The following CKAP5 variants were observed in gnomAD, a reference collection of about 807,000 sequenced individuals.
CKAP5 encodes the protein cytoskeleton-associated protein 5.
In CKAP5, 27 loss-of-function variants were observed where a neutral mutation model predicts 232.8. The observed-to-expected ratio is 0.12, with a 90% CI of 0.09 to 0.16. The LOEUF (loss-of-function observed/expected upper bound fraction) is 0.16. CKAP5 is among the 10% of genes least tolerant of loss of function. CKAP5 has a pLI of 1.00. For synonymous variants in CKAP5, 785 were observed against 841.1 expected (o/e 0.93, Z 1.16); for missense variants, 1,838 against 2,424.7 (o/e 0.76, Z 5.08).
In CKAP5 at chr11:46,751,228, T is replaced by C; in HGVS notation, c.5350A>G (p.Asn1784Asp). ...GCCTCCAGCTCAGACTCGTTTTTGT[T>C]GTCGATCATCGTTAGGTGGTCCAGG... is the stretch of plus-strand genomic sequence containing the variant. ...KILDHLTMID[N>D]KNESELEAHL... Residue 1784 changes from asparagine (N) to aspartate (D), a missense_variant, in exon 40 of 44, where the codon AAC becomes GAC. Transcript: ENST00000529230. 3 of 1,614,204 alleles carry C rather than the reference T, an allele frequency of 1.9e-6. No individual in the cohort carries two copies. Among genetic ancestry groups the C allele is most frequent in the Non-Finnish European group, 2.5e-6 (3 of 1,180,028 alleles).
chr11:46,795,677 C>T lies in CKAP5; in HGVS notation c.1567G>A (p.Ala523Thr). The T allele has an allele frequency of 1.2e-6, 2 of 1,614,146 alleles. No individual in the cohort carries two copies. Among genetic ancestry groups the T allele is most frequent in the Non-Finnish European group, 1.7e-6 (2 of 1,180,000 alleles). Residue 523 changes from alanine to threonine, a missense_variant, in exon 13 of 44, where the codon GCT (alanine) becomes ACT (threonine). By Grantham distance (58) the Ala-to-Thr change is moderately conservative. This residue lies in a region of CKAP5 where 767 missense variants were observed against 954.6 expected (regional missense o/e 0.80). Transcript: ENST00000529230. ...EFKPLPGRTA[A>T]SGAAGDKDTK... ...TCCTTATCTCCTGCAGCCCCTGAAG[C>T]AGCAGTCCTTCCAGGCAGAGGTTTG...
At position 46,762,674 on chromosome 11, in the gene CKAP5, G is replaced by A. The variant is rs2065165888; in HGVS notation, c.3980C>T (p.Pro1327Leu). 2 of 1,613,972 alleles carry A rather than the reference G, an allele frequency of 1.2e-6. No individual in the cohort carries two copies. Among genetic ancestry groups the A allele is most frequent in the African/African-American group, 1.3e-5 (1 of 74,914 alleles). ...CLVYPASKMF[P>L]FIMEGTKSKN... ...GGATTTGGTTCCTTCCATGATAAAG[G>A]GAAACATCTTGCTAGCTGGGTAGAC... Residue 1327 changes from proline to leucine, a missense_variant, in exon 31 of 44, where the codon CCC (proline) becomes CTC (leucine). Physicochemically the swap from Pro to Leu is moderately conservative, Grantham distance 98. Coordinates refer to ENST00000529230, the MANE Select transcript of CKAP5 (RefSeq NM_001008938.4).
At chr11:46,792,766 G>A (rs1938770464) in intron 13 of CKAP5, among the ~76,000 whole-genome samples, 1 of 152,156 alleles carries the variant, frequency 6.6e-6, no homozygotes, top group African/African-American at 2.4e-5. Flanking sequence ...GCATGAACAT[G>A]GAAGGGTTTA....
chr11:46,816,786 ATTTTT>A (rs397848056), intron 3 of CKAP5, among the ~76,000 whole-genome samples: 2 of 127,184 alleles, frequency 1.6e-5, no homozygotes, highest in Non-Finnish European at 1.6e-5. Context: ...CTTGCTTTCA[ATTTTT>A]TTTTTTTTTT....
chr11:46,751,583 A>G lies in CKAP5; in HGVS notation c.5134-49T>C, dbSNP rs185774084. 6.2e-6 allele frequency: 9 copies of G among 1,462,204 alleles called. No homozygotes were observed. In the East Asian group the frequency reaches 1.8e-4, roughly 30 times the overall value. The allele number at this position is 1,462,204 out of a possible 1,614,324, so 90.6% of individuals were successfully genotyped here. On this transcript the variant is annotated intron_variant, in intron 38 of 43. Coordinates refer to ENST00000529230, the MANE Select transcript of CKAP5 (RefSeq NM_001008938.4). ...TTAGGAGTGACTGAAGAATGAGGAT[A>G]ATTTGTCACCATTCATCTTCCCTAA...
chr11:46,744,287 T>C (rs373580241), intron 43 of CKAP5, 22 bp from the exon 44 acceptor site: 21 of 1,613,372 alleles, frequency 1.3e-5, no homozygotes, highest in African/African-American at 2.7e-5. Context: ...AGGAGAGAGA[T>C]TGTCTAAGGT....
chr11:46,844,410 G>A (rs1299137661), intron 1 of CKAP5, among the ~76,000 whole-genome samples: 1 of 151,706 alleles, frequency 6.6e-6, no homozygotes. Context: ...AAACCGTGAA[G>A]GTAAAAAACA....
intron 28 of CKAP5, among the ~76,000 whole-genome samples, chr11:46,764,834 AAAG>A (rs1291286798): frequency 9.8e-5 from 9 of 91,376 alleles, no homozygotes; most frequent in African/African-American, 2.9e-4. Context: ...AAGGTCTTAA[AAAG>A]AAGGATTAAT....
rs764186757 is a variant in CKAP5, at chr11:46,811,123, G to A, written c.514C>T (p.Leu172Phe). Reference sequence around the variant, plus strand: ...ACAGCCTTCTCTCGAGACTCAAAGAGTTTTGGCAACACTTTGATAATTGGC... The same window carrying A: ...ACAGCCTTCTCTCGAGACTCAAAGAATTTTGGCAACACTTTGATAATTGGC... The part of the protein sequence containing the change: ...LKPIIKVLPK[L>F]FESREKAVRD... Residue 172 changes from leucine (L) to phenylalanine (F), a missense_variant, in exon 5 of 44, where the codon CTC becomes TTC. Leu to Phe is a conservative substitution (Grantham distance 22). Transcript: ENST00000529230. 2.5e-6 allele frequency: 4 copies of A among 1,614,042 alleles called. No individual in the cohort carries two copies. The highest frequency in any genetic ancestry group is 1.1e-5 in the South Asian group (1 of 91,072).
At chr11:46,801,151 A>G in intron 9 of CKAP5, 49 bp downstream of exon 9, 1 of 1,370,574 alleles carries the variant, frequency 7.3e-7, no homozygotes, top group Non-Finnish European at 1.0e-6. Flanking sequence ...TAGGCCTACC[A>G]TTTTTGATAA....
At chr11:46,752,207 C>T (rs1232404663) in intron 38 of CKAP5, among the ~76,000 whole-genome samples, 5 of 109,144 alleles carry the variant, frequency 4.6e-5, no homozygotes, top group East Asian at 2.4e-4. Flanking sequence ...CACACACACA[C>T]ACACACACAC....
chr11:46,816,460 G>C lies in CKAP5; in HGVS notation c.252-56C>G, dbSNP rs573188824. 7.1e-5 allele frequency: 102 copies of C among 1,445,054 alleles called. No homozygotes were observed. The East Asian group carries it at 2.3e-3, about 33-fold the overall frequency. 89.5% of individuals were successfully genotyped at this position (1,445,054 alleles called of 1,614,324 possible). On this transcript the variant is annotated intron_variant, in intron 3 of 43. Transcript: ENST00000529230. ...ACTTAAGTAGTAAGAATTGGAAAAA[G>C]GTCACGGAAAGGGGGTGTACTAGTA...
chr11:46,832,230 T>G (rs191863032), intron 1 of CKAP5, among the ~76,000 whole-genome samples: 5 of 152,348 alleles, frequency 3.3e-5, no homozygotes, highest in African/African-American at 4.8e-5. Context: ...AATAAAATTC[T>G]GAAGTAAACC....
In CKAP5 at chr11:46,819,929, G is replaced by A. The variant is rs567486894; in HGVS notation, c.57+1246C>T. On this transcript the variant is annotated intron_variant, in intron 2 of 43. Coordinates refer to ENST00000529230, the MANE Select transcript of CKAP5 (RefSeq NM_001008938.4). ...AACATCTCATTCTATAAAGTAGAAT[G>A]AGTGTTCCCTAAACAGATTTAACAT... 6.3e-4 allele frequency among the ~76,000 whole-genome samples: 96 copies of A among 152,068 alleles called. 1 individual carries two copies. In the South Asian group the frequency reaches 0.02, roughly 31 times the overall value.
chr11:46,776,224 G>A (rs1195625288), intron 24 of CKAP5, 31 bp downstream of exon 24: 2 of 1,605,270 alleles, frequency 1.2e-6, no homozygotes, highest in Admixed American at 1.7e-5. Flanking sequence ...AATGACATGA[G>A]TAATGCACAT....
intron 28 of CKAP5, 23 bp downstream of exon 28, chr11:46,765,108 G>C (rs533366841): frequency 3.1e-6 from 5 of 1,597,884 alleles, no homozygotes; most frequent in Non-Finnish European, 3.4e-6. Flanking sequence ...AAAATCTCCT[G>C]ACGATTCTTA....
At chr11:46,770,327 G>T in intron 25 of CKAP5, 1 of 552,678 alleles carries the variant, frequency 1.8e-6, no homozygotes, top group South Asian at 2.5e-5. Context: ...GAGGTCAGCA[G>T]ATTTTTACTT....
At chr11:46,842,838 G>A (rs1282732338) in intron 1 of CKAP5, among the ~76,000 whole-genome samples, 4 of 151,814 alleles carry the variant, frequency 2.6e-5, no homozygotes, top group Admixed American at 1.3e-4. Flanking sequence ...TTGGTAGCGG[G>A]CGCCTGTAGT....
At chr11:46,767,827 A>G (rs764748927) in intron 26 of CKAP5, among the ~76,000 whole-genome samples, 164 bp from the exon 27 acceptor site, 1 of 152,044 alleles carries the variant, frequency 6.6e-6, no homozygotes, top group African/African-American at 2.4e-5. Context: ...ATTTTGCTCT[A>G]TCTCCCAGGC....
Sources: allele counts gnomAD v4.1 joint callset (sites outside exome capture counted in the v4.1 genomes callset), GRCh38; gene constraint gnomAD v4.1.1; regional missense constraint gnomAD v4.1.1; transcripts MANE v1.5; gene names NCBI Gene and HGNC (gene_info 2026-07-23, HGNC 2026-07-21).